The following ABCB4 variants were observed in gnomAD, a reference collection of about 807,000 sequenced individuals.
ABCB4 encodes the protein ATP binding cassette subfamily B member 4.
In ABCB4, 76 loss-of-function variants were observed where a neutral mutation model predicts 145.7. That is an observed-to-expected ratio of 0.52 (90% CI 0.43 to 0.63). ABCB4 has a LOEUF of 0.63. Among genes scored for constraint, ABCB4 ranks in the 30% least tolerant of loss-of-function variants. ABCB4 has a pLI of 0.00. For synonymous variants in ABCB4, 517 were observed against 566.8 expected (o/e 0.91, Z 1.25); for missense variants, 1,234 against 1,553.1 (o/e 0.79, Z 3.45).
chr7:87,453,154 G>A lies in ABCB4; in HGVS notation c.345-19C>T, dbSNP rs1194395150. ...TGCATATCTGAAAAAAAAGAGAAAGGCTCTATTAAATACCTTCTCTTTTCT... is the reference window on the plus strand; with the variant it reads ...TGCATATCTGAAAAAAAAGAGAAAGACTCTATTAAATACCTTCTCTTTTCT... On this transcript the variant is annotated intron_variant, in intron 5 of 27. Transcript: ENST00000649586. The A allele has an allele frequency of 3.7e-6, 6 of 1,607,244 alleles. No individual in the cohort carries two copies. Among genetic ancestry groups the A allele is most frequent in the Middle Eastern group, 1.7e-4 (1 of 6,044 alleles).
At chr7:87,425,949 C>T (rs1444340566) in intron 16 of ABCB4, among the ~76,000 whole-genome samples, 1 of 151,978 alleles carries the variant, frequency 6.6e-6, no homozygotes, top group Non-Finnish European at 1.5e-5. Flanking sequence ...CTAAATCCAA[C>T]GTTGCTATTT....
chr7:87,458,045 A>G (rs1249076255), intron 4 of ABCB4, among the ~76,000 whole-genome samples: 1 of 152,160 alleles, frequency 6.6e-6, no homozygotes, highest in East Asian at 1.9e-4. Flanking sequence ...TAAAATAAAG[A>G]GCTGGTGTTT....
In ABCB4 at chr7:87,475,532, T is replaced by A; in HGVS notation, c.-6-61A>T. On this transcript the variant is annotated intron_variant, in intron 1 of 27. Coordinates refer to ENST00000649586, the MANE Select transcript of ABCB4 (RefSeq NM_000443.4). ...CCTCTCCGGCGGCCCGGCGCACGAG[T>A]CGCGGGGCCCGGGGGCACTGGGTGG... 1.9e-6 allele frequency: 3 copies of A among 1,550,166 alleles called. No homozygotes were observed. In the East Asian group the frequency reaches 6.9e-5, roughly 36 times the overall value.
intron 3 of ABCB4, among the ~76,000 whole-genome samples, chr7:87,471,813 C>A (rs917659562): frequency 5.9e-5 from 9 of 152,172 alleles, no homozygotes; most frequent in African/African-American, 1.2e-4. Flanking sequence ...CAGAAAAGCA[C>A]CGAAAACTGT....
chr7:87,401,725 T>G lies in ABCB4; in HGVS notation c.*371A>C, dbSNP rs1807795315. The G allele has an allele frequency of 3.2e-6, 1 of 309,012 alleles. No homozygotes were observed. Among genetic ancestry groups the G allele is most frequent in the African/African-American group, 2.2e-5 (1 of 46,310 alleles). 19.1% of individuals were successfully genotyped at this position (309,012 alleles called of 1,614,324 possible). A position where few individuals can be genotyped will look rare whatever the true frequency, so the allele number is the denominator to read the frequency against. ...GCTATTGAACAATTTATTTTTCTTT[T>G]GTACTTGGGAAAATTATTCCCAAAC... On this transcript the variant is annotated 3_prime_UTR_variant, in exon 28 of 28. Transcript: ENST00000649586.
At chr7:87,457,678 C>A (rs1812188269) in intron 4 of ABCB4, among the ~76,000 whole-genome samples, 1 of 152,166 alleles carries the variant, frequency 6.6e-6, no homozygotes, top group Non-Finnish European at 1.5e-5. Context: ...TCACTTAATT[C>A]TATCAGTAAA....
At chr7:87,475,498 C>A (rs773446907) in intron 1 of ABCB4, 27 bp from the exon 2 acceptor site, 1 of 1,612,286 alleles carries the variant, frequency 6.2e-7, no homozygotes. Context: ...GCCTCAGAAC[C>A]AAGTACACCC....
At position 87,413,914 on chromosome 7, in the gene ABCB4, A is replaced by G. The variant is rs17149547; in HGVS notation, c.2683-197T>C. 0.06 allele frequency among the ~76,000 whole-genome samples: 9,101 copies of G among 152,336 alleles called. 332 individuals carry two copies. Among genetic ancestry groups the G allele is most frequent in the South Asian group, 0.16 (756 of 4,828 alleles). On this transcript the variant is annotated intron_variant, in intron 21 of 27. Transcript: ENST00000649586. ...ACTGGTACTTCTGGCTGTGCTAAGT[A>G]TGGTAGGCAAGTCTTTGTATGCTCA... is the stretch of plus-strand genomic sequence containing the variant.
At chr7:87,462,395 A>G (rs781005501) in intron 4 of ABCB4, among the ~76,000 whole-genome samples, 4 of 152,204 alleles carry the variant, frequency 2.6e-5, no homozygotes, top group Middle Eastern at 3.2e-3. Flanking sequence ...AAGTACTGCC[A>G]TGTTTAACTG....
chr7:87,446,906 A>G (rs1379290896), intron 9 of ABCB4, 128 bp downstream of exon 9: 42 of 843,140 alleles, frequency 5.0e-5, no homozygotes, highest in Non-Finnish European at 6.3e-5. Flanking sequence ...GACAGTGGAA[A>G]GATTCACCAA....
chr7:87,435,435 G>C (rs1193593251), intron 14 of ABCB4, among the ~76,000 whole-genome samples: 5 of 152,170 alleles, frequency 3.3e-5, no homozygotes, highest in South Asian at 2.1e-4. Context: ...AAAATGTAAA[G>C]AAATTGATTT....
At chr7:87,442,511 C>T (rs760086983) in intron 12 of ABCB4, among the ~76,000 whole-genome samples, 3 of 151,956 alleles carry the variant, frequency 2.0e-5, no homozygotes, top group Non-Finnish European at 4.4e-5. Flanking sequence ...GAATATAGCT[C>T]GTGGACTTGT....
At chr7:87,386,384 A>C in the ABCB4 span, among the ~76,000 whole-genome samples, 1 of 152,054 alleles carries the variant, frequency 6.6e-6, no homozygotes, top group Non-Finnish European at 1.5e-5. Flanking sequence ...TTTATGTTTC[A>C]ATCTCAGGTT....
rs909768671 is a variant in ABCB4, at chr7:87,472,618, T to C, written c.135+3A>G. The stretch of plus-strand genomic sequence containing the variant: ...TATTCACATTTAACATTTCACAGCT[T>C]ACCAATGTTAATACTCCAATCATTT... On this transcript the variant is annotated splice_donor_region_variant and intron_variant, in intron 3 of 27. Coordinates refer to ENST00000649586, the MANE Select transcript of ABCB4 (RefSeq NM_000443.4). 1 of 1,605,958 alleles carries C rather than the reference T, an allele frequency of 6.2e-7. No homozygotes were observed. The highest frequency in any genetic ancestry group is 8.5e-7 in the Non-Finnish European group (1 of 1,172,770).
At chr7:87,408,315 C>T (rs1164225165) in intron 24 of ABCB4, 81 bp from the exon 25 acceptor site, 1 of 1,373,404 alleles carries the variant, frequency 7.3e-7, no homozygotes, top group Non-Finnish European at 1.0e-6. Flanking sequence ...GGAAACTTTA[C>T]CAAAGACTGT....
intron 25 of ABCB4, 168 bp from the exon 26 acceptor site, chr7:87,406,662 T>G: frequency 1.3e-6 from 1 of 749,350 alleles, no homozygotes; most frequent in Non-Finnish European, 2.2e-6. Flanking sequence ...AACATGATGA[T>G]TTTTATGGTG....
chr7:87,419,476 T>C (rs1584698992), intron 19 of ABCB4, among the ~76,000 whole-genome samples: 1 of 152,246 alleles, frequency 6.6e-6, no homozygotes, highest in African/African-American at 2.4e-5. Flanking sequence ...CAGTGTCTGG[T>C]ACATGATAAG....
the ABCB4 span, among the ~76,000 whole-genome samples, chr7:87,393,947 TA>T: frequency 6.6e-6 from 1 of 152,160 alleles, no homozygotes; most frequent in Non-Finnish European, 1.5e-5. Flanking sequence ...ATTCAAAAAC[TA>T]AAGTATTCAT....
chr7:87,405,859 C>G (rs1808149655), intron 26 of ABCB4: 1 of 246,628 alleles, frequency 4.1e-6, no homozygotes, highest in Non-Finnish European at 7.9e-6. Context: ...TATCAGTATC[C>G]TGCTTGTGAT....
Sources: allele counts gnomAD v4.1 joint callset (sites outside exome capture counted in the v4.1 genomes callset), GRCh38; gene constraint gnomAD v4.1.1; transcripts MANE v1.5; gene names NCBI Gene and HGNC (gene_info 2026-07-23, HGNC 2026-07-21).